Variants in FXR1 observed in about 807,000 individuals in gnomAD.
The protein encoded by FXR1 is FMR1 autosomal homolog 1, also known as RNA-binding protein FXR1.
In FXR1, 15 loss-of-function variants were observed where a neutral mutation model predicts 84.0. The observed-to-expected ratio is 0.18, with a 90% CI of 0.12 to 0.27. The LOEUF (loss-of-function observed/expected upper bound fraction) is 0.27. Ranked by LOEUF, FXR1 falls within the 10% of genes least tolerant of loss-of-function variation. The probability of loss-of-function intolerance (pLI) is 1.00; values close to 1 mark genes in which losing one functional copy is unlikely to be tolerated. For synonymous variants in FXR1, 245 were observed against 250.7 expected (o/e 0.98, Z 0.21); for missense variants, 480 against 774.4 (o/e 0.62, Z 4.51).
rs1172547946 is a variant in FXR1 at position 180,979,846 on chromosome 3, A to G, written c.*3554A>G. 6.6e-6 allele frequency: 1 copy of G among 152,054 alleles called. No homozygotes were observed. The highest frequency in any genetic ancestry group is 6.6e-5 in the Admixed American group (1 of 15,250). 9.4% of individuals were successfully genotyped at this position (152,054 alleles called of 1,614,324 possible). A position where few individuals can be genotyped will look rare whatever the true frequency, so the allele number is the denominator to read the frequency against. On this transcript the variant is annotated 3_prime_UTR_variant, in exon 17 of 17. Transcript: ENST00000357559. ...AAATTTTTAAAAAGTTTATCAGTGTATCATTTCAGATTCATCTGTATCTTC... is the reference window on the plus strand; with the variant it reads ...AAATTTTTAAAAAGTTTATCAGTGTGTCATTTCAGATTCATCTGTATCTTC...
chr3:180,934,466 T>C (rs1049874565), intron 2 of FXR1, among the ~76,000 whole-genome samples: 4 of 152,278 alleles, frequency 2.6e-5, no homozygotes, highest in African/African-American at 9.6e-5. Context: ...ACATGAAAAA[T>C]GTCAGTTAAC....
intron 1 of FXR1, among the ~76,000 whole-genome samples, chr3:180,925,136 G>T (rs1700234981): frequency 6.6e-6 from 1 of 152,090 alleles, no homozygotes; most frequent in Non-Finnish European, 1.5e-5. Context: ...GCTGAGGTGG[G>T]TGGATCACGA....
At chr3:180,920,922 A>G (rs1718506994) in intron 1 of FXR1, among the ~76,000 whole-genome samples, 1 of 152,244 alleles carries the variant, frequency 6.6e-6, no homozygotes, top group African/African-American at 2.4e-5. Flanking sequence ...CATTACTGGT[A>G]TGTAAACAGT....
rs1009732357 is a variant in FXR1, at chr3:180,972,464, G to A, written c.1603+2106G>A. Among the ~76,000 whole-genome samples the A allele has an allele frequency of 1.7e-4, 26 of 152,272 alleles. No homozygotes were observed. In the East Asian group the frequency reaches 4.6e-3, roughly 27 times the overall value. ...GTGAGACCCTGTCTCAAAAAAAAAT[G>A]TTTTAGATGAAGAGATTATTTCATT... On this transcript the variant is annotated intron_variant, in intron 15 of 16. Coordinates refer to ENST00000357559, the MANE Select transcript of FXR1 (RefSeq NM_005087.4).
chr3:180,959,763 A>G (rs150921330), intron 10 of FXR1, among the ~76,000 whole-genome samples: 146 of 151,744 alleles, frequency 9.6e-4, no homozygotes, highest in Admixed American at 3.4e-3. Context: ...TCATGCTTTC[A>G]TAGTTGAAAT....
At chr3:180,975,190 G>C in intron 15 of FXR1, 123 bp from the exon 16 acceptor site, 1 of 433,256 alleles carries the variant, frequency 2.3e-6, no homozygotes, top group Non-Finnish European at 4.2e-6. Context: ...GTGATACCCA[G>C]CTTAAGAAAA....
Position 180,933,364 on chromosome 3 carries a change from C to A in FXR1, c.82C>A (p.Leu28Ile). The A allele has an allele frequency of 6.3e-7, 1 of 1,576,740 alleles. No individual in the cohort carries two copies. The highest frequency in any genetic ancestry group is 8.7e-7 in the Non-Finnish European group (1 of 1,146,560). ...GFIKDVHEDS[L>I]TVVFENNWQP... ...TATCAAAGATGTTCATGAAGACTCCCTTACAGTTGTTTTTGAAAATAAGTA... is the reference window on the plus strand; with the variant it reads ...TATCAAAGATGTTCATGAAGACTCCATTACAGTTGTTTTTGAAAATAAGTA... Residue 28 changes from leucine (L) to isoleucine (I), a missense_variant, in exon 2 of 17, where the codon CTT (leucine) becomes ATT (isoleucine). Around this residue, in one of 6 missense-constraint regions of FXR1, gnomAD observed 54 missense variants for 74.2 expected, o/e 0.73. Coordinates refer to ENST00000357559, the MANE Select transcript of FXR1 (RefSeq NM_005087.4).
chr3:180,926,573 C>G (rs1441644873), intron 1 of FXR1, among the ~76,000 whole-genome samples: 1 of 147,562 alleles, frequency 6.8e-6, no homozygotes, highest in Non-Finnish European at 1.5e-5. Context: ...AATCAGAAAA[C>G]TCTTCTAAGA....
At chr3:180,960,669 T>TGCCCAGGCTG (rs1399443758) in intron 10 of FXR1, among the ~76,000 whole-genome samples, 1 of 152,112 alleles carries the variant, frequency 6.6e-6, no homozygotes, top group Non-Finnish European at 1.5e-5. Context: ...TTCTCCATGC[T>TGCCCAGGCTG]GCCCAGGCTG....
intron 3 of FXR1, among the ~76,000 whole-genome samples, chr3:180,939,380 G>T (rs754514023): frequency 5.3e-5 from 8 of 152,106 alleles, no homozygotes; most frequent in Non-Finnish European, 1.2e-4. Context: ...GTGCAAAATA[G>T]CAGAGGTAAA....
At chr3:180,939,790 C>A (rs1720929283) in intron 3 of FXR1, among the ~76,000 whole-genome samples, 1 of 152,162 alleles carries the variant, frequency 6.6e-6, no homozygotes, top group African/African-American at 2.4e-5. Context: ...TCACAACATT[C>A]TTCTGCAGCT....
At chr3:180,971,972 A>G (rs1713642494) in intron 15 of FXR1, among the ~76,000 whole-genome samples, 1 of 152,172 alleles carries the variant, frequency 6.6e-6, no homozygotes, top group Non-Finnish European at 1.5e-5. Context: ...AAATTCTGGC[A>G]TCTTTACTAT....
chr3:180,965,941 C>A (rs1167164264), intron 13 of FXR1, among the ~76,000 whole-genome samples: 1 of 152,116 alleles, frequency 6.6e-6, no homozygotes, highest in Non-Finnish European at 1.5e-5. Context: ...ATAAATACTA[C>A]ACTGGATTTC....
intron 8 of FXR1, among the ~76,000 whole-genome samples, chr3:180,953,443 T>C (rs1722430080): frequency 6.6e-6 from 1 of 152,150 alleles, no homozygotes; most frequent in African/African-American, 2.4e-5. Flanking sequence ...ATATTTAGGA[T>C]TGGGTTAAAG....
Position 180,961,364 on chromosome 3 carries a change from AAAAG to A in FXR1, c.991-103_991-100del, listed in dbSNP as rs1399231413. ...CAAAAAAAAAAAAAAAAAAAAAAAA[AAAAG>A]GTGTGTGTGTGTGTGCCTGCCTGTC... On this transcript the variant is annotated intron_variant, in intron 10 of 16. Transcript: ENST00000357559. 6.1e-3 allele frequency: 2,013 copies of A among 331,400 alleles called. 16 individuals are homozygous for A. The highest frequency in any genetic ancestry group is 0.024 in the South Asian group (425 of 17,612). The allele number at this position is 331,400 out of a possible 1,614,324, so 20.5% of individuals were successfully genotyped here.
intron 10 of FXR1, among the ~76,000 whole-genome samples, chr3:180,961,086 G>A (rs1302419038): frequency 2.6e-5 from 4 of 151,990 alleles, no homozygotes; most frequent in African/African-American, 7.2e-5. Context: ...ACCTCTTTAC[G>A]AAGTCAATAA....
chr3:180,926,609 C>T (rs1379818522), intron 1 of FXR1, among the ~76,000 whole-genome samples: 1 of 150,374 alleles, frequency 6.7e-6, no homozygotes. Context: ...GAGAGTTACA[C>T]TTTTAGGGTG....
At position 180,957,929 on chromosome 3, in the gene FXR1, G is replaced by A; in HGVS notation, c.990+1G>A. Reference sequence around the variant, plus strand: ...TGAAAATAAATTACCCAGAGAAGACGTAAGTATTTAAAATGTAATCTGCCT... The same window carrying A: ...TGAAAATAAATTACCCAGAGAAGACATAAGTATTTAAAATGTAATCTGCCT... On this transcript the variant is annotated splice_donor_variant, in intron 10 of 16. Coordinates refer to ENST00000357559, the MANE Select transcript of FXR1 (RefSeq NM_005087.4). LOFTEE classifies it high-confidence loss of function. 7.4e-7 allele frequency: 1 copy of A among 1,353,280 alleles called. No homozygotes were observed. 83.8% of individuals were successfully genotyped at this position (1,353,280 alleles called of 1,614,324 possible).
At chr3:180,914,288 G>T (rs1007890523) in intron 1 of FXR1, among the ~76,000 whole-genome samples, 5 of 152,118 alleles carry the variant, frequency 3.3e-5, no homozygotes, top group Non-Finnish European at 5.9e-5. Flanking sequence ...GATACAGTTC[G>T]CTGGGTAAGA....
Sources: gnomAD v4.1 joint callset for allele counts (sites outside exome capture counted in the v4.1 genomes callset) on GRCh38, gnomAD v4.1.1 for gene constraint, gnomAD v4.1.1 regional missense constraint, MANE v1.5 for transcripts, NCBI Gene and HGNC (gene_info 2026-07-23, HGNC 2026-07-21) for gene names.